Variants in RBFOX1 observed in about 807,000 individuals in gnomAD.
RBFOX1 encodes RNA binding fox-1 homolog 1, also known as RNA binding protein fox-1 homolog 1.
RBFOX1 carries 8 observed loss-of-function variants against 57.7 expected under a neutral mutation model. The ratio of observed to expected loss-of-function variants is 0.14; its 90% CI spans 0.08 to 0.25. The LOEUF is 0.25. Among genes scored for constraint, RBFOX1 ranks in the 10% least tolerant of loss-of-function variants. RBFOX1 has a pLI of 1.00. For missense variants in RBFOX1, 611 were observed against 548.5 expected, an observed-to-expected ratio of 1.11 and a Z score of -1.14; for synonymous variants, 326 against 222.4, an observed-to-expected ratio of 1.47 and a Z score of -4.15.
intron 1 of RBFOX1, among the ~76,000 whole-genome samples, chr16:5,399,380 A>T (rs1223343430): frequency 6.6e-6 from 1 of 152,220 alleles, no homozygotes; most frequent in Non-Finnish European, 1.5e-5. Flanking sequence ...TGTATTTTGA[A>T]ATATATAAAT....
At chr16:6,635,705 T>G (rs568330644) in intron 2 of RBFOX1, among the ~76,000 whole-genome samples, 79 of 152,286 alleles carry the variant, frequency 5.2e-4, no homozygotes, top group African/African-American at 1.9e-3. Flanking sequence ...TCAAAATTAT[T>G]TTTGGAAAAT....
chr16:7,106,807 C>T (rs1173848627), intron 4 of RBFOX1, among the ~76,000 whole-genome samples: 1 of 151,912 alleles, frequency 6.6e-6, no homozygotes, highest in African/African-American at 2.4e-5. Flanking sequence ...TAAAAGGTGT[C>T]TGCTGGACAG....
intron 3 of RBFOX1, among the ~76,000 whole-genome samples, chr16:6,831,583 T>G (rs1012709265): frequency 6.6e-6 from 1 of 152,192 alleles, no homozygotes; most frequent in African/African-American, 2.4e-5. Flanking sequence ...TTTGAGTAAC[T>G]CAAAAATATT....
chr16:6,888,225 A>G (rs766766311), intron 3 of RBFOX1, among the ~76,000 whole-genome samples: 4 of 152,198 alleles, frequency 2.6e-5, no homozygotes, highest in African/African-American at 4.8e-5. Flanking sequence ...TGTAAAACCA[A>G]TGAAAAGAAA....
At chr16:5,927,765 C>G (rs1367630210) in intron 4 of RBFOX1, among the ~76,000 whole-genome samples, 1 of 152,094 alleles carries the variant, frequency 6.6e-6, no homozygotes, top group African/African-American at 2.4e-5. Context: ...ACTATTCAGC[C>G]TTGAAAAAGA....
intron 2 of RBFOX1, among the ~76,000 whole-genome samples, chr16:6,538,016 C>CTT (rs1243161128): frequency 6.6e-6 from 1 of 151,302 alleles, no homozygotes; most frequent in Non-Finnish European, 1.5e-5. Context: ...TACTTTCAAA[C>CTT]TTTTTTATTC....
At chr16:7,201,301 A>G (rs548880357) in intron 4 of RBFOX1, among the ~76,000 whole-genome samples, 2 of 152,202 alleles carry the variant, frequency 1.3e-5, no homozygotes, top group Non-Finnish European at 2.9e-5. Flanking sequence ...AGGTAGTAGA[A>G]GAGGTGAAGT....
At chr16:6,313,054 C>G (rs1485911358) in intron 1 of RBFOX1, among the ~76,000 whole-genome samples, 3 of 152,174 alleles carry the variant, frequency 2.0e-5, no homozygotes, top group Non-Finnish European at 4.4e-5. Context: ...CAGCAATGCA[C>G]TGGAGTTAAT....
At chr16:6,541,567 A>C (rs1315649051) in intron 2 of RBFOX1, among the ~76,000 whole-genome samples, 3 of 152,216 alleles carry the variant, frequency 2.0e-5, no homozygotes, top group African/African-American at 7.2e-5. Flanking sequence ...TTCTAAGCGC[A>C]ATGGAAAGTC....
rs112195043 is a variant in RBFOX1 at position 6,659,537 on chromosome 16, A to G, written c.-16+4887A>G. Among the ~76,000 whole-genome samples, 29 of 152,270 alleles carry G rather than the reference A, an allele frequency of 1.9e-4. 1 individual carries two copies. The highest frequency in any genetic ancestry group is 6.7e-4 in the African/African-American group (28 of 41,544). On this transcript the variant is annotated intron_variant, in intron 3 of 15. Coordinates refer to ENST00000550418, the MANE Select transcript of RBFOX1 (RefSeq NM_018723.4). ...GAAGTACCATCATTTTCCCTGTTTT[A>G]CAGGTAAAATAAAGGAAGCTCAGGC...
chr16:6,758,900 C>G (rs1419181830), intron 3 of RBFOX1, among the ~76,000 whole-genome samples: 2 of 151,964 alleles, frequency 1.3e-5, no homozygotes, highest in South Asian at 4.1e-4. Flanking sequence ...CTGAAGGTGA[C>G]ATGTGTTCAG....
intron 3 of RBFOX1, among the ~76,000 whole-genome samples, chr16:6,943,841 G>A (rs2078994621): frequency 6.6e-6 from 1 of 152,092 alleles, no homozygotes; most frequent in Non-Finnish European, 1.5e-5. Context: ...ACGCTGAGCT[G>A]TAACCATTCT....
At chr16:7,290,595 T>C (rs141090023) in intron 4 of RBFOX1, among the ~76,000 whole-genome samples, 15 of 152,312 alleles carry the variant, frequency 9.8e-5, no homozygotes, top group East Asian at 3.9e-4. Flanking sequence ...AGGACTAATA[T>C]TTTCATTTTC....
chr16:6,736,784 G>T (rs2070444760), intron 3 of RBFOX1, among the ~76,000 whole-genome samples: 1 of 152,140 alleles, frequency 6.6e-6, no homozygotes, highest in South Asian at 2.1e-4. Context: ...AGCAGGTGGT[G>T]GTTCTGACCA....
chr16:6,766,567 G>T (rs189032995), intron 3 of RBFOX1, among the ~76,000 whole-genome samples: 5 of 151,916 alleles, frequency 3.3e-5, no homozygotes, highest in East Asian at 2.0e-4. Flanking sequence ...TTTATCATCA[G>T]TGTCTAATGA....
At chr16:5,452,384 C>T (rs1283865956) in intron 1 of RBFOX1, among the ~76,000 whole-genome samples, 2 of 152,074 alleles carry the variant, frequency 1.3e-5, no homozygotes, top group African/African-American at 4.8e-5. Context: ...GCTGGGGTTA[C>T]AGGGGTGAGT....
chr16:7,440,324 CTG>C (rs1444966796), intron 4 of RBFOX1, among the ~76,000 whole-genome samples: 2 of 152,048 alleles, frequency 1.3e-5, no homozygotes, highest in Non-Finnish European at 2.9e-5. Context: ...TGAACTAACA[CTG>C]TGAAAAAACA....
At chr16:6,012,250 AG>A (rs1313605877) in intron 4 of RBFOX1, among the ~76,000 whole-genome samples, 1 of 152,224 alleles carries the variant, frequency 6.6e-6, no homozygotes, top group Non-Finnish European at 1.5e-5. Flanking sequence ...TGTTGTTATG[AG>A]GACTCAATGA....
intron 5 of RBFOX1, among the ~76,000 whole-genome samples, chr16:7,544,834 G>A (rs1428606614): frequency 6.6e-6 from 1 of 152,024 alleles, no homozygotes; most frequent in Admixed American, 6.6e-5. Flanking sequence ...AGCACTTATT[G>A]TAACTAGTAA....
Sources: allele counts gnomAD v4.1 joint callset (sites outside exome capture counted in the v4.1 genomes callset), GRCh38; gene constraint gnomAD v4.1.1; transcripts MANE v1.5; gene names NCBI Gene and HGNC (gene_info 2026-07-23, HGNC 2026-07-21).